CSPP1: variants seen among roughly 807,000 people sequenced by gnomAD.
The protein encoded by CSPP1 is centrosome and spindle pole-associated protein 1.
CSPP1 carries 126 observed loss-of-function variants against 164.4 expected under a neutral mutation model. The ratio of observed to expected loss-of-function variants is 0.77; its 90% confidence interval spans 0.66 to 0.89. CSPP1 has a LOEUF of 0.89. CSPP1 is among the 40% of genes least tolerant of loss of function. The probability of loss-of-function intolerance (pLI) is 0.00; values close to 1 mark genes in which losing one functional copy is unlikely to be tolerated. For synonymous variants in CSPP1, 472 were observed against 476.7 expected (o/e 0.99, Z 0.13); for missense variants, 1,395 against 1,449.8 (o/e 0.96, Z 0.61).
rs1818286004 is a variant in CSPP1 at position 67,118,135 on chromosome 8, T to C, written c.1497-113T>C. On this transcript the variant is annotated intron_variant, in intron 13 of 30. Coordinates refer to ENST00000678616, the MANE Select transcript of CSPP1 (RefSeq NM_001382391.1). The stretch of plus-strand genomic sequence containing the variant: ...TGATTGGAGCAAGATGGTGACATTT[T>C]CTAAAGTAGTGATAGGATTTTCAGT... 6 of 1,105,882 alleles carry C rather than the reference T, an allele frequency of 5.4e-6. No individual in the cohort carries two copies. In the South Asian group the frequency reaches 8.6e-5, roughly 16 times the overall value. The allele number at this position is 1,105,882 out of a possible 1,614,324, so 68.5% of individuals were successfully genotyped here.
chr8:67,106,965 T>C (rs1815678718), intron 9 of CSPP1, among the ~76,000 whole-genome samples: 1 of 152,158 alleles, frequency 6.6e-6, no homozygotes, highest in Non-Finnish European at 1.5e-5. Flanking sequence ...ACCAGTTTAA[T>C]CAGTACCATG....
At chr8:67,179,397 A>G (rs989726782) in intron 27 of CSPP1, among the ~76,000 whole-genome samples, 1 of 152,200 alleles carries the variant, frequency 6.6e-6, no homozygotes, top group East Asian at 1.9e-4. Context: ...CTCTTAATTC[A>G]TCTTTGTATC....
intron 27 of CSPP1, among the ~76,000 whole-genome samples, chr8:67,179,053 A>T (rs1328494627): frequency 2.6e-5 from 4 of 152,210 alleles, no homozygotes; most frequent in Non-Finnish European, 4.4e-5. Flanking sequence ...TGCCTTAAAA[A>T]TTAATGGACA....
chr8:67,167,543 G>A (rs548352275), intron 24 of CSPP1, among the ~76,000 whole-genome samples: 2 of 151,820 alleles, frequency 1.3e-5, no homozygotes, highest in African/African-American at 4.8e-5. Flanking sequence ...TCTCAGACGG[G>A]GCGGCTGCTG....
intron 19 of CSPP1, among the ~76,000 whole-genome samples, chr8:67,154,908 T>C (rs1370562136): frequency 6.6e-6 from 1 of 152,260 alleles, no homozygotes; most frequent in Non-Finnish European, 1.5e-5. Context: ...TGTAAGTTAT[T>C]AGAAAATCAA....
chr8:67,128,786 C>A (rs548118860), intron 15 of CSPP1, among the ~76,000 whole-genome samples: 2 of 152,070 alleles, frequency 1.3e-5, no homozygotes, highest in Admixed American at 1.3e-4. Context: ...GAATTACTCT[C>A]GAATATAGGA....
At chr8:67,169,876 T>G (rs1830144423) in intron 24 of CSPP1, among the ~76,000 whole-genome samples, 1 of 152,170 alleles carries the variant, frequency 6.6e-6, no homozygotes, top group African/African-American at 2.4e-5. Flanking sequence ...GCCTCCCAAG[T>G]AGGTGGGACT....
chr8:67,122,062 G>A (rs1819079226), intron 15 of CSPP1, among the ~76,000 whole-genome samples: 1 of 151,242 alleles, frequency 6.6e-6, no homozygotes, highest in Admixed American at 6.6e-5. Context: ...TTATTTTTCT[G>A]ACCTCATTCT....
intron 29 of CSPP1, among the ~76,000 whole-genome samples, chr8:67,191,339 A>T (rs998631932): frequency 6.6e-6 from 1 of 152,220 alleles, no homozygotes; most frequent in Non-Finnish European, 1.5e-5. Flanking sequence ...AGATGCAGTT[A>T]TATGTGAAGC....
Position 67,092,389 on chromosome 8 carries a change from A to C in CSPP1, c.384+506A>C, listed in dbSNP as rs1000433262. On this transcript the variant is annotated intron_variant, in intron 5 of 30. Transcript: ENST00000678616. ...TCACCAGAGTATATCAGAGATCATG[A>C]AATAGTATATAAGACAAAATGGACA... Among the ~76,000 whole-genome samples the C allele has an allele frequency of 2.4e-4, 36 of 152,348 alleles. No homozygotes were observed. The South Asian group carries it at 2.5e-3, about 11-fold the overall frequency.
At chr8:67,156,793 C>T (rs1273018508) in intron 19 of CSPP1, among the ~76,000 whole-genome samples, 3 of 152,168 alleles carry the variant, frequency 2.0e-5, no homozygotes, top group Non-Finnish European at 4.4e-5. Flanking sequence ...ATATTAATAA[C>T]ACTTGTGAAT....
At chr8:67,184,739 A>T (rs912769657) in intron 28 of CSPP1, among the ~76,000 whole-genome samples, 25 of 139,166 alleles carry the variant, frequency 1.8e-4, no homozygotes, top group Non-Finnish European at 4.5e-5. Context: ...ATAATAATAA[A>T]AAAATATAAT....
chr8:67,070,193 T>C (rs1357688867), intron 1 of CSPP1, among the ~76,000 whole-genome samples: 1 of 151,736 alleles, frequency 6.6e-6, no homozygotes, highest in Admixed American at 6.6e-5. Context: ...GTCGGGACGG[T>C]GGCTCACACC....
intron 4 of CSPP1, among the ~76,000 whole-genome samples, chr8:67,090,920 G>A (rs1443336754): frequency 1.3e-5 from 2 of 151,272 alleles, no homozygotes. Context: ...TATAGACAAG[G>A]AAACTGAAAT....
chr8:67,103,238 C>A, intron 8 of CSPP1, 103 bp downstream of exon 8: 1 of 650,478 alleles, frequency 1.5e-6, no homozygotes, highest in Non-Finnish European at 2.7e-6. Context: ...AGTAAATTAA[C>A]AGCCTTCCTT....
intron 26 of CSPP1, among the ~76,000 whole-genome samples, 159 bp from the exon 27 acceptor site, chr8:67,177,521 A>G (rs1032717613): frequency 3.9e-5 from 6 of 152,244 alleles, no homozygotes; most frequent in African/African-American, 1.4e-4. Context: ...ATGCAGGGCT[A>G]TGTTTTTTAA....
intron 21 of CSPP1, among the ~76,000 whole-genome samples, chr8:67,159,902 TTCTTTCTTTCTTTC>T (rs1827622046): frequency 1.4e-5 from 1 of 69,560 alleles, no homozygotes; most frequent in African/African-American, 7.2e-5. Context: ...CTTTCTTTCT[TTCTTTCTTTCTTTC>T]TTTCTTTCCT....
chr8:67,159,926 T>TTC (rs1257832985), intron 21 of CSPP1, among the ~76,000 whole-genome samples: 1 of 41,570 alleles, frequency 2.4e-5, no homozygotes, highest in African/African-American at 1.1e-4. Context: ...CTTTCTTTCC[T>TTC]TTCCTTCCTT....
At chr8:67,151,127 C>T (rs1825615751) in intron 18 of CSPP1, among the ~76,000 whole-genome samples, 1 of 152,160 alleles carries the variant, frequency 6.6e-6, no homozygotes, top group African/African-American at 2.4e-5. Context: ...CCTTTTTGAA[C>T]AGTTTAAGAG....
Sources: allele counts gnomAD v4.1 joint callset (sites outside exome capture counted in the v4.1 genomes callset), GRCh38; gene constraint gnomAD v4.1.1; transcripts MANE v1.5; gene names NCBI Gene and HGNC (gene_info 2026-07-23, HGNC 2026-07-21).